Variants in ENAH observed in about 807,000 individuals in gnomAD.
The protein encoded by ENAH is ENAH actin regulator.
In ENAH, 23 loss-of-function variants were observed where a neutral mutation model predicts 78.7. The ratio of observed to expected loss-of-function variants is 0.29; its 90% confidence interval spans 0.21 to 0.41. The LOEUF (loss-of-function observed/expected upper bound fraction) is 0.41, where lower values mean the gene tolerates loss of function less well. Among genes scored for constraint, ENAH ranks in the 10% least tolerant of loss-of-function variants. The pLI is 1.00. For synonymous variants in ENAH, 226 were observed against 241.0 expected (o/e 0.94, Z 0.58); for missense variants, 544 against 691.0 (o/e 0.79, Z 2.39).
chr1:225,534,870 G>T (rs1050364245), intron 3 of ENAH, among the ~76,000 whole-genome samples: 1 of 152,012 alleles, frequency 6.6e-6, no homozygotes, highest in East Asian at 1.9e-4. Flanking sequence ...ATTTGGGGTG[G>T]CTAAGTGACA....
chr1:225,561,071 T>C (rs2096702230), intron 2 of ENAH, among the ~76,000 whole-genome samples: 1 of 151,122 alleles, frequency 6.6e-6, no homozygotes, highest in Non-Finnish European at 1.5e-5. Flanking sequence ...CTGTCTCTAC[T>C]GAAAATACAA....
chr1:225,563,094 T>A (rs2151482847), intron 2 of ENAH, among the ~76,000 whole-genome samples: 1 of 152,332 alleles, frequency 6.6e-6, no homozygotes, highest in East Asian at 1.9e-4. Context: ...TTTCTAATCG[T>A]TTATTGCTTA....
intron 1 of ENAH, among the ~76,000 whole-genome samples, chr1:225,579,572 C>T (rs1408507266): frequency 1.3e-5 from 2 of 152,076 alleles, no homozygotes; most frequent in Admixed American, 1.3e-4. Context: ...TTTTAGACAT[C>T]AAACTATAGA....
chr1:225,507,901 ATTTT>A (rs537036379), intron 11 of ENAH, 46 bp downstream of exon 11: 1 of 1,328,254 alleles, frequency 7.5e-7, no homozygotes, highest in African/African-American at 1.5e-5. Flanking sequence ...GAATGCATTA[ATTTT>A]TTTTTATACA....
rs141277905 is a variant in ENAH, at chr1:225,516,602, C to T, written c.913+594G>A. 1.4e-4 allele frequency among the ~76,000 whole-genome samples: 22 copies of T among 152,190 alleles called. No individual in the cohort carries two copies. The East Asian group carries it at 2.7e-3, about 19-fold the overall frequency. ...GTGAAAGACATGTATTAGCTGGGTG[C>T]GGTGCTCACACTTGTAATCCTAGCA... On this transcript the variant is annotated intron_variant, in intron 6 of 13. Transcript: ENST00000366843.
At chr1:225,633,203 T>C (rs563460933) in intron 1 of ENAH, among the ~76,000 whole-genome samples, 6 of 151,468 alleles carry the variant, frequency 4.0e-5, no homozygotes, top group African/African-American at 1.5e-4. Flanking sequence ...CCACCACACC[T>C]GGCTAATTTT....
rs191428039 is a variant in ENAH, at chr1:225,561,272, A to G, written c.171+5977T>C. 8.8e-4 allele frequency among the ~76,000 whole-genome samples: 134 copies of G among 151,958 alleles called. 1 individual carries two copies. The highest frequency in any genetic ancestry group is 3.2e-3 in the African/African-American group (134 of 41,450). On this transcript the variant is annotated intron_variant, in intron 2 of 13. Transcript: ENST00000366843. Reference sequence around the variant, plus strand: ...TTTTTTAATCTGAATTAATTCTTTCACTCATCTAACCATTGAGGATAGACA... The same window carrying G: ...TTTTTTAATCTGAATTAATTCTTTCGCTCATCTAACCATTGAGGATAGACA...
chr1:225,514,911 G>C lies in ENAH; in HGVS notation c.914-11C>G, dbSNP rs1167834583. 5.0e-6 allele frequency: 8 copies of C among 1,605,400 alleles called. No individual in the cohort carries two copies. In the Admixed American group the frequency reaches 1.0e-4, roughly 21 times the overall value. ...GTCCCAAGACAATGCCTGAGAGAGA[G>C]AAATGTTAAGTAAGACCATCAACAA... On this transcript the variant is annotated splice_polypyrimidine_tract_variant and intron_variant, in intron 6 of 13. Coordinates refer to ENST00000366843, the MANE Select transcript of ENAH (RefSeq NM_018212.6).
At chr1:225,530,455 T>TAA in intron 4 of ENAH, 99 bp downstream of exon 4, 1 of 971,538 alleles carries the variant, frequency 1.0e-6, no homozygotes, top group East Asian at 2.4e-5. Context: ...TTGTGACTCT[T>TAA]AAACAGCTGA....
At chr1:225,530,419 A>G in intron 4 of ENAH, 135 bp downstream of exon 4, 1 of 657,614 alleles carries the variant, frequency 1.5e-6, no homozygotes, top group Non-Finnish European at 2.7e-6. Flanking sequence ...TGACAGTCAC[A>G]AAACTTACTA....
intron 1 of ENAH, among the ~76,000 whole-genome samples, chr1:225,600,378 A>G (rs2096924597): frequency 1.3e-5 from 2 of 151,956 alleles, no homozygotes; most frequent in South Asian, 4.2e-4. Context: ...AAATAATAAT[A>G]AATAAGAAAA....
chr1:225,634,814 G>A (rs1449281636), intron 1 of ENAH, among the ~76,000 whole-genome samples: 3 of 152,174 alleles, frequency 2.0e-5, no homozygotes. Context: ...GCCTTTACCT[G>A]TTTTGATTAC....
intron 4 of ENAH, chr1:225,524,464 TAC>T (rs1238008235): frequency 2.0e-5 from 6 of 306,890 alleles, no homozygotes; most frequent in Non-Finnish European, 2.9e-5. Flanking sequence ...AAAATAAAAC[TAC>T]ACAGATACAG....
At chr1:225,565,568 T>C (rs961691824) in intron 2 of ENAH, among the ~76,000 whole-genome samples, 87 of 152,378 alleles carry the variant, frequency 5.7e-4, no homozygotes, top group South Asian at 8.3e-4. Flanking sequence ...GTAGTTTCTT[T>C]ACAGCTATTA....
intron 2 of ENAH, among the ~76,000 whole-genome samples, chr1:225,562,571 C>CAAAAAAAAAAAA (rs869309795): frequency 2.6e-5 from 1 of 38,076 alleles, no homozygotes; most frequent in African/African-American, 1.0e-4. Flanking sequence ...GACTGCGTCT[C>CAAAAAAAAAAAA]AAAAAAAAAA....
At chr1:225,637,453 C>T (rs1419006115) in intron 1 of ENAH, among the ~76,000 whole-genome samples, 5 of 152,224 alleles carry the variant, frequency 3.3e-5, no homozygotes, top group South Asian at 2.1e-4. Context: ...ATGATCCACC[C>T]GCCTCAGCCT....
At chr1:225,513,324 A>G (rs1292587414) in intron 7 of ENAH, among the ~76,000 whole-genome samples, 1 of 152,216 alleles carries the variant, frequency 6.6e-6, no homozygotes, top group Non-Finnish European at 1.5e-5. Flanking sequence ...CTAGAATCTA[A>G]TCTTGAGGAA....
chr1:225,606,999 TCAC>T (rs1361670081), intron 1 of ENAH, among the ~76,000 whole-genome samples: 1 of 152,054 alleles, frequency 6.6e-6, no homozygotes, highest in Non-Finnish European at 1.5e-5. Flanking sequence ...TGTGAAGGCC[TCAC>T]CACAATAGCT....
At chr1:225,618,585 T>G (rs1656235227) in intron 1 of ENAH, among the ~76,000 whole-genome samples, 1 of 152,218 alleles carries the variant, frequency 6.6e-6, no homozygotes, top group Admixed American at 6.5e-5. Flanking sequence ...TGCTCAGAAC[T>G]GTCTCCACCC....
Sources: gnomAD v4.1 joint callset for allele counts (sites outside exome capture counted in the v4.1 genomes callset) on GRCh38, gnomAD v4.1.1 for gene constraint, MANE v1.5 for transcripts, NCBI Gene and HGNC (gene_info 2026-07-23, HGNC 2026-07-21) for gene names.